The following YARS1 variants were observed in gnomAD, a reference collection of about 807,000 sequenced individuals.
YARS1 encodes the protein tyrosine--tRNA ligase, cytoplasmic.
YARS1 carries 36 observed loss-of-function variants against 62.2 expected under a neutral mutation model. The ratio of observed to expected loss-of-function variants is 0.58; its 90% CI spans 0.44 to 0.76. YARS1 has a LOEUF of 0.76. Ranked by LOEUF, YARS1 falls within the 30% of genes least tolerant of loss-of-function variation. YARS1 has a pLI of 0.00. For synonymous variants in YARS1, 234 were observed against 244.9 expected, an observed-to-expected ratio of 0.96 and a Z score of 0.42; for missense variants, 524 against 639.8, an observed-to-expected ratio of 0.82 and a Z score of 1.95.
intron 4 of YARS1, among the ~76,000 whole-genome samples, chr1:32,804,614 G>T (rs1638403064): frequency 1.3e-5 from 2 of 150,712 alleles, no homozygotes; most frequent in Admixed American, 6.6e-5. Context: ...CCGGACAGAG[G>T]CGCTCCTCAC....
rs1036102554 is a variant in YARS1, at chr1:32,804,277, G to A, written c.510+2205C>T. Among the ~76,000 whole-genome samples, 144 of 152,334 alleles carry A rather than the reference G, an allele frequency of 9.5e-4. 1 individual carries two copies. Among genetic ancestry groups the A allele is most frequent in the African/African-American group, 3.2e-3 (131 of 41,580 alleles). ...GGTACTCCTCCCAGACGGGGTGGCC[G>A]CCGGGCAGAGGGGCTCCTCACTTCC... On this transcript the variant is annotated intron_variant, in intron 4 of 12. Transcript: ENST00000373477.
At chr1:32,815,138 C>G (rs1402164319) in intron 1 of YARS1, among the ~76,000 whole-genome samples, 1 of 152,164 alleles carries the variant, frequency 6.6e-6, no homozygotes, top group Non-Finnish European at 1.5e-5. Context: ...AACTTGAGGT[C>G]AGGAATTTGA....
Position 32,810,755 on chromosome 1 carries a change from C to A in YARS1, c.216G>T (p.Leu72=), listed in dbSNP as rs756685285. The A allele has an allele frequency of 2.5e-6, 4 of 1,614,148 alleles. No individual in the cohort carries two copies. The East Asian group carries it at 8.9e-5, about 36-fold the overall frequency. The change falls in exon 3 of 13, where the codon CTG becomes CTT. Residue 72 remains leucine, a synonymous_variant. Transcript: ENST00000373477. ...FLKAGCEVTI[L]FADLHAYLDN... ...CCAGGTATGCGTGGAGGTCCGCAAA[C>A]AGAATTGTTACCTGGACAAGAGATA...
chr1:32,775,846 G>A lies in YARS1; in HGVS notation c.*135C>T. On this transcript the variant is annotated 3_prime_UTR_variant, in exon 13 of 13. Transcript: ENST00000373477. Reference sequence around the variant, plus strand: ...GGGAGGGTAAGCTGCCCCTTGCCGAGTTCTGCACCGAATAAAGAGTCCAAA... The same window carrying A: ...GGGAGGGTAAGCTGCCCCTTGCCGAATTCTGCACCGAATAAAGAGTCCAAA... 2.4e-6 allele frequency: 2 copies of A among 841,834 alleles called. No individual in the cohort carries two copies. Among genetic ancestry groups the A allele is most frequent in the South Asian group, 1.5e-5 (1 of 65,262 alleles). The allele number at this position is 841,834 out of a possible 1,614,324, so 52.1% of individuals were successfully genotyped here.
intron 1 of YARS1, chr1:32,816,766 T>C (rs551501897): frequency 2.0e-4 from 37 of 188,982 alleles, no homozygotes; most frequent in Admixed American, 1.7e-3. Flanking sequence ...AGCCTTCCCT[T>C]CTCTCTTTCC....
intron 4 of YARS1, among the ~76,000 whole-genome samples, chr1:32,798,552 A>C (rs1653676571): frequency 6.6e-6 from 1 of 152,204 alleles, no homozygotes; most frequent in African/African-American, 2.4e-5. Context: ...GAAAACAGTG[A>C]CTGTCTGGGT....
chr1:32,804,759 G>A (rs553363998), intron 4 of YARS1, among the ~76,000 whole-genome samples: 140 of 151,864 alleles, frequency 9.2e-4, no homozygotes, highest in African/African-American at 3.3e-3. Context: ...CTGGGCGGCC[G>A]GGCAGAGGGG....
intron 5 of YARS1, among the ~76,000 whole-genome samples, chr1:32,792,656 C>T (rs918004340): frequency 4.6e-5 from 7 of 151,938 alleles, no homozygotes; most frequent in African/African-American, 1.2e-4. Context: ...TTTGGGAGGC[C>T]GAGGCAGGCG....
intron 4 of YARS1, among the ~76,000 whole-genome samples, chr1:32,805,344 A>T (rs1638435622): frequency 1.3e-5 from 2 of 151,302 alleles, no homozygotes; most frequent in South Asian, 4.2e-4. Context: ...TTTCCCTTTA[A>T]ATGTCATGAA....
chr1:32,778,082 C>T (rs922112475), intron 12 of YARS1, among the ~76,000 whole-genome samples: 1 of 152,076 alleles, frequency 6.6e-6, no homozygotes, highest in Non-Finnish European at 1.5e-5. Flanking sequence ...GTAGAAATGA[C>T]TCTCAGTGTC....
chr1:32,776,741 C>T lies in YARS1; in HGVS notation c.1477-650G>A, dbSNP rs1043671120. Among the ~76,000 whole-genome samples the T allele has an allele frequency of 6.6e-6, 1 of 151,902 alleles. No homozygotes were observed. Among genetic ancestry groups the T allele is most frequent in the African/African-American group, 2.4e-5 (1 of 41,374 alleles). On this transcript the variant is annotated intron_variant, in intron 12 of 12. Transcript: ENST00000373477. The surrounding 1 kb of genome is among the most constrained non-coding windows in gnomAD (Gnocchi z 4.0). The stretch of plus-strand genomic sequence containing the variant: ...CAGCATTTCGGGAGGCCGAGGTGGG[C>T]GGATCACGAGGTCAGGAGATTGAGA...
At chr1:32,795,578 G>A (rs539863436) in intron 5 of YARS1, among the ~76,000 whole-genome samples, 11 of 152,060 alleles carry the variant, frequency 7.2e-5, no homozygotes, top group African/African-American at 1.9e-4. Flanking sequence ...AGGCCAAGGC[G>A]GGCAGATCAT....
intron 4 of YARS1, among the ~76,000 whole-genome samples, chr1:32,805,229 G>A (rs1471284512): frequency 8.3e-4 from 5 of 6,056 alleles, no homozygotes; most frequent in African/African-American, 1.9e-3. Flanking sequence ...AAAGGGGAGA[G>A]GGGGAGAGGG....
intron 9 of YARS1, chr1:32,781,753 G>GT: frequency 6.1e-6 from 1 of 164,674 alleles, no homozygotes; most frequent in Admixed American, 5.7e-5. Context: ...CAACAGCTGT[G>GT]TAAGAAACTA....
At chr1:32,780,958 C>T in intron 10 of YARS1, 90 bp downstream of exon 10, 1 of 1,186,646 alleles carries the variant, frequency 8.4e-7, no homozygotes, top group Non-Finnish European at 1.3e-6. Context: ...CAGGATGTTA[C>T]TTCCCATCTC....
intron 4 of YARS1, 126 bp downstream of exon 4, chr1:32,806,356 C>T (rs1240118496): frequency 8.7e-6 from 13 of 1,502,532 alleles, no homozygotes; most frequent in Non-Finnish European, 1.2e-5. Context: ...ACAGGGTTGC[C>T]ACACACCTTC....
rs563817074 is a variant in YARS1 at position 32,786,547 on chromosome 1, T to C, written c.821-100A>G. ...CACATGCATGACTATTTGTAGTTTTTGCCATATATTCTGAACTTTATTGTA... is the reference window on the plus strand; with the variant it reads ...CACATGCATGACTATTTGTAGTTTTCGCCATATATTCTGAACTTTATTGTA... On this transcript the variant is annotated intron_variant, in intron 7 of 12. Transcript: ENST00000373477. 35 of 1,134,300 alleles carry C rather than the reference T, an allele frequency of 3.1e-5. No individual in the cohort carries two copies. The African/African-American group carries it at 4.4e-4, about 14-fold the overall frequency. 70.3% of individuals were successfully genotyped at this position (1,134,300 alleles called of 1,614,324 possible). A position where few individuals can be genotyped will look rare whatever the true frequency, so the allele number is the denominator to read the frequency against.
chr1:32,779,443 T>C lies in YARS1; in HGVS notation c.1415A>G (p.Tyr472Cys), dbSNP rs1214337748. Residue 472 changes from tyrosine to cysteine, a missense_variant, in exon 12 of 13, where the codon TAT becomes TGT. Tyr to Cys is a radical substitution (Grantham distance 194). Transcript: ENST00000373477. ...CTCCTCATCTGGTTGGCCCTTTTCA[T>C]AGCCCTTCACAAACACGTGCTCACC... ...APGEHVFVKG[Y>C]EKGQPDEELK... 5 of 1,614,034 alleles carry C rather than the reference T, an allele frequency of 3.1e-6. No individual in the cohort carries two copies. Among genetic ancestry groups the C allele is most frequent in the East Asian group, 2.2e-5 (1 of 44,900 alleles).
At chr1:32,789,867 G>C (rs577596748) in intron 6 of YARS1, among the ~76,000 whole-genome samples, 2 of 151,250 alleles carry the variant, frequency 1.3e-5, no homozygotes, top group African/African-American at 4.9e-5. Context: ...TGGGATTACA[G>C]GTGTGAGCCA....
Sources: allele counts gnomAD v4.1 joint callset (sites outside exome capture counted in the v4.1 genomes callset), GRCh38; gene constraint gnomAD v4.1.1; non-coding constraint Gnocchi (gnomAD v3.1); transcripts MANE v1.5; gene names NCBI Gene and HGNC (gene_info 2026-07-23, HGNC 2026-07-21).